CHSY3: variants seen among roughly 807,000 people sequenced by gnomAD.
CHSY3 encodes N-acetylgalactosaminyl-proteoglycan 3-beta-glucuronosyltransferase 3.
A neutral mutation model predicts 67.2 loss-of-function variants in CHSY3; 35 were observed. That is an observed-to-expected ratio of 0.52 (90% CI 0.40 to 0.69). CHSY3 has a LOEUF of 0.69. Among genes scored for constraint, CHSY3 ranks in the 30% least tolerant of loss-of-function variants. The probability of loss-of-function intolerance (pLI) is 0.00; values close to 1 mark genes in which losing one functional copy is unlikely to be tolerated. For missense variants in CHSY3, 1,069 were observed against 1,138.5 expected (o/e 0.94, Z 0.88); for synonymous variants, 474 against 434.7 (o/e 1.09, Z -1.12).
chr5:129,976,089 C>G (rs930955423), intron 2 of CHSY3, among the ~76,000 whole-genome samples: 2 of 152,008 alleles, frequency 1.3e-5, no homozygotes, highest in African/African-American at 4.8e-5. Context: ...AGAAGATCAG[C>G]TGTTTTGCTT....
chr5:129,911,462 A>G (rs936204135), intron 2 of CHSY3, among the ~76,000 whole-genome samples: 2 of 152,178 alleles, frequency 1.3e-5, no homozygotes, highest in African/African-American at 4.8e-5. Context: ...TATCTCATAC[A>G]TTTCAGGAAA....
chr5:129,927,696 A>G (rs1456169745), intron 2 of CHSY3, among the ~76,000 whole-genome samples: 1 of 152,066 alleles, frequency 6.6e-6, no homozygotes, highest in Non-Finnish European at 1.5e-5. Flanking sequence ...AATAATACTG[A>G]CAATTCCTGG....
intron 2 of CHSY3, among the ~76,000 whole-genome samples, chr5:129,957,627 A>T (rs538411243): frequency 6.6e-6 from 1 of 152,212 alleles, no homozygotes; most frequent in East Asian, 1.9e-4. Flanking sequence ...TCATACTTTG[A>T]AGATATGGAT....
In CHSY3 at chr5:130,110,243, C is replaced by G. The variant is rs191085926; in HGVS notation, c.1087-73986C>G. On this transcript the variant is annotated intron_variant, in intron 2 of 2. Coordinates refer to ENST00000305031, the MANE Select transcript of CHSY3 (RefSeq NM_175856.5). The stretch of plus-strand genomic sequence containing the variant: ...TTATATAGTCACCATTGTTTTTTCT[C>G]ATTTAATTTCCTGACAACAAAATTT... Among the ~76,000 whole-genome samples, 345 of 151,884 alleles carry G rather than the reference C, an allele frequency of 2.3e-3. 1 individual carries two copies. The highest frequency in any genetic ancestry group is 8.0e-3 in the African/African-American group (331 of 41,520).
At chr5:130,158,441 C>T (rs566758531) in intron 2 of CHSY3, among the ~76,000 whole-genome samples, 75 of 152,298 alleles carry the variant, frequency 4.9e-4, no homozygotes, top group African/African-American at 1.5e-3. Context: ...CTATACCCTA[C>T]GTTAAGTTTC....
At chr5:130,176,960 G>C (rs1006649640) in intron 2 of CHSY3, among the ~76,000 whole-genome samples, 10 of 152,028 alleles carry the variant, frequency 6.6e-5, no homozygotes, top group Admixed American at 6.6e-4. Flanking sequence ...ATCTGCACAT[G>C]TATCCCAGAA....
intron 2 of CHSY3, among the ~76,000 whole-genome samples, chr5:130,178,253 A>ATATATATATAT (rs1205782386): frequency 8.5e-4 from 39 of 45,916 alleles, no homozygotes; most frequent in African/African-American, 3.0e-3. Context: ...ATATATATAT[A>ATATATATATAT]TTTTTTTTTT....
At position 129,930,505 on chromosome 5, in the gene CHSY3, TGG is replaced by T. The variant is rs113871344; in HGVS notation, c.1086+22146_1086+22147del. 8.0e-5 allele frequency among the ~76,000 whole-genome samples: 6 copies of T among 75,340 alleles called. 1 individual carries two copies. The highest frequency in any genetic ancestry group is 6.3e-4 in the South Asian group (1 of 1,586). The allele number at this position is 75,340 out of a possible 152,430, so 49.4% of individuals were successfully genotyped here. On this transcript the variant is annotated intron_variant, in intron 2 of 2. Coordinates refer to ENST00000305031, the MANE Select transcript of CHSY3 (RefSeq NM_175856.5). The stretch of plus-strand genomic sequence containing the variant: ...ATAGATGTTTAAAAGGAGGCATCAC[TGG>T]CGGGGGGGGGGTATGAAGTTTTGCC...
intron 2 of CHSY3, among the ~76,000 whole-genome samples, chr5:130,065,526 T>C (rs1158952343): frequency 6.6e-6 from 1 of 152,102 alleles, no homozygotes; most frequent in Non-Finnish European, 1.5e-5. Flanking sequence ...TATGTGACCC[T>C]TTCTATTCTC....
At chr5:129,909,298 G>A (rs1760445821) in intron 2 of CHSY3, among the ~76,000 whole-genome samples, 2 of 152,066 alleles carry the variant, frequency 1.3e-5, no homozygotes, top group African/African-American at 4.8e-5. Context: ...GGAGTGCACA[G>A]CTTTGTAAAT....
chr5:130,069,591 A>G (rs1765995376), intron 2 of CHSY3, among the ~76,000 whole-genome samples: 1 of 152,136 alleles, frequency 6.6e-6, no homozygotes, highest in Non-Finnish European at 1.5e-5. Context: ...GTAAATGTAT[A>G]CATACAAATC....
At chr5:130,113,424 T>C (rs1767650201) in intron 2 of CHSY3, among the ~76,000 whole-genome samples, 1 of 152,218 alleles carries the variant, frequency 6.6e-6, no homozygotes, top group African/African-American at 2.4e-5. Context: ...CATTTATAAA[T>C]GTCACAATAT....
intron 2 of CHSY3, among the ~76,000 whole-genome samples, chr5:129,942,386 A>G (rs1473392397): frequency 6.6e-6 from 1 of 152,176 alleles, no homozygotes; most frequent in Non-Finnish European, 1.5e-5. Flanking sequence ...AATTTCTATT[A>G]TATATTTGGA....
At chr5:129,957,791 G>A (rs77919667) in intron 2 of CHSY3, among the ~76,000 whole-genome samples, 16 of 152,116 alleles carry the variant, frequency 1.1e-4, no homozygotes, top group African/African-American at 2.4e-4. Flanking sequence ...ATGTCTAGGC[G>A]TTGTAGGTTC....
chr5:130,061,542 A>G (rs761632760), intron 2 of CHSY3, among the ~76,000 whole-genome samples: 9 of 152,176 alleles, frequency 5.9e-5, no homozygotes, highest in Non-Finnish European at 1.2e-4. Flanking sequence ...AGCAAAAACA[A>G]AAGTAGACAA....
Position 129,904,986 on chromosome 5 carries a change from G to A in CHSY3, c.157G>A (p.Ala53Thr). The A allele has an allele frequency of 6.4e-7, 1 of 1,567,216 alleles. No homozygotes were observed. Among genetic ancestry groups the A allele is most frequent in the Non-Finnish European group, 8.6e-7 (1 of 1,162,712 alleles). The change falls in exon 1 of 3, where the codon GCT becomes ACT. Residue 53 changes from alanine to threonine, a missense_variant. Coordinates refer to ENST00000305031, the MANE Select transcript of CHSY3 (RefSeq NM_175856.5). ...CTGCTCCTACTACGGTCGCTCTGCT[G>A]CTGGCCCCCGCGCCGGCGCTCAGCA... ...SLCSYYGRSA[A>T]GPRAGAQQPL...
At chr5:129,996,998 T>G (rs565371572) in intron 2 of CHSY3, among the ~76,000 whole-genome samples, 2 of 152,318 alleles carry the variant, frequency 1.3e-5, no homozygotes, top group African/African-American at 2.4e-5. Context: ...ACCAGTGTTT[T>G]GTTCATAACT....
intron 2 of CHSY3, among the ~76,000 whole-genome samples, chr5:129,963,605 G>A (rs140553964): frequency 2.6e-5 from 4 of 152,078 alleles, no homozygotes; most frequent in Admixed American, 6.6e-5. Flanking sequence ...CAGTTAAATC[G>A]ACCTATTTTT....
intron 2 of CHSY3, among the ~76,000 whole-genome samples, chr5:129,937,125 G>A (rs1173182901): frequency 1.3e-5 from 2 of 152,150 alleles, no homozygotes; most frequent in East Asian, 3.9e-4. Context: ...TCATACTGCT[G>A]TAAAGACATA....
Sources: allele counts gnomAD v4.1 joint callset (sites outside exome capture counted in the v4.1 genomes callset), GRCh38; gene constraint gnomAD v4.1.1; transcripts MANE v1.5; gene names NCBI Gene and HGNC (gene_info 2026-07-23, HGNC 2026-07-21).